Variants in SLC30A8 observed in about 807,000 individuals in gnomAD.
The protein encoded by SLC30A8 is solute carrier family 30 member 8, also known as proton-coupled zinc antiporter SLC30A8.
In SLC30A8, 27 loss-of-function variants were observed where a neutral mutation model predicts 36.9. The ratio of observed to expected loss-of-function variants is 0.73; its 90% confidence interval spans 0.54 to 1.01. The LOEUF (loss-of-function observed/expected upper bound fraction) is 1.01, where lower values mean the gene tolerates loss of function less well. Ranked by LOEUF, SLC30A8 falls within the 50% of genes least tolerant of loss-of-function variation. The pLI is 0.00. For missense variants in SLC30A8, 439 were observed against 452.0 expected, an observed-to-expected ratio of 0.97 and a Z score of 0.26; for synonymous variants, 164 against 172.4, an observed-to-expected ratio of 0.95 and a Z score of 0.38.
chr8:116,968,143 A>C (rs1206213028), intron 1 of SLC30A8, among the ~76,000 whole-genome samples: 1 of 152,146 alleles, frequency 6.6e-6, no homozygotes, highest in African/African-American at 2.4e-5. Flanking sequence ...TACTTGGCAA[A>C]ATTTGATAAT....
chr8:116,979,606 C>T (rs1346715412), intron 1 of SLC30A8, among the ~76,000 whole-genome samples: 1 of 152,160 alleles, frequency 6.6e-6, no homozygotes, highest in African/African-American at 2.4e-5. Flanking sequence ...ACAGTGTCCT[C>T]AGGGGACTGT....
At chr8:117,068,861 GC>G (rs1349040691) in intron 2 of SLC30A8, among the ~76,000 whole-genome samples, 8 of 152,278 alleles carry the variant, frequency 5.3e-5, no homozygotes, top group Middle Eastern at 3.4e-3. Context: ...ACAGGCGCGA[GC>G]CACTACATGT....
chr8:117,083,049 T>A (rs1818727651), intron 2 of SLC30A8, among the ~76,000 whole-genome samples: 1 of 152,144 alleles, frequency 6.6e-6, no homozygotes, highest in African/African-American at 2.4e-5. Flanking sequence ...CGGAGGGACA[T>A]CTCTTCTCCA....
exon 1 of SLC30A8, chr8:116,950,985 CTT>C (rs779195921): frequency 2.0e-5 from 3 of 152,208 alleles, no homozygotes; most frequent in Non-Finnish European, 4.4e-5. Flanking sequence ...GCCTGTCTAA[CTT>C]TGGAAATATC....
intron 1 of SLC30A8, among the ~76,000 whole-genome samples, chr8:116,973,626 T>C (rs1391468673): frequency 1.3e-5 from 2 of 152,218 alleles, no homozygotes; most frequent in South Asian, 2.1e-4. Context: ...AGGTGATTTA[T>C]AGATTCAGTG....
chr8:116,995,711 A>C (rs533658138), intron 1 of SLC30A8, among the ~76,000 whole-genome samples: 1 of 152,136 alleles, frequency 6.6e-6, no homozygotes, highest in East Asian at 1.9e-4. Context: ...GTCTCTAATA[A>C]GTGAAGTATG....
At chr8:117,168,695 T>C (rs1381225814) in intron 6 of SLC30A8, among the ~76,000 whole-genome samples, 1 of 152,188 alleles carries the variant, frequency 6.6e-6, no homozygotes, top group Non-Finnish European at 1.5e-5. Flanking sequence ...AGGGCCTAGA[T>C]GAATGATAGC....
intron 2 of SLC30A8, among the ~76,000 whole-genome samples, chr8:117,089,528 T>G (rs1463862193): frequency 6.6e-6 from 1 of 152,208 alleles, no homozygotes; most frequent in African/African-American, 2.4e-5. Context: ...TTGTACTTTT[T>G]AATATCCCTT....
chr8:116,983,640 C>T (rs578017962), intron 1 of SLC30A8, among the ~76,000 whole-genome samples: 3 of 152,144 alleles, frequency 2.0e-5, no homozygotes, highest in African/African-American at 7.2e-5. Context: ...TTCACTTTTT[C>T]TATGTTATTT....
chr8:117,147,642 G>A (rs1243088817), intron 2 of SLC30A8: 1 of 154,646 alleles, frequency 6.5e-6, no homozygotes, highest in African/African-American at 2.4e-5. Flanking sequence ...TCCCTTCAAA[G>A]AGATTCCTAA....
At chr8:117,085,903 T>C (rs1199726665) in intron 2 of SLC30A8, among the ~76,000 whole-genome samples, 1 of 152,132 alleles carries the variant, frequency 6.6e-6, no homozygotes, top group African/African-American at 2.4e-5. Flanking sequence ...GAGTAAGATA[T>C]TTGTTGGGCA....
chr8:117,149,708 G>A (rs983465931), intron 2 of SLC30A8, among the ~76,000 whole-genome samples: 1 of 152,192 alleles, frequency 6.6e-6, no homozygotes, highest in Non-Finnish European at 1.5e-5. Flanking sequence ...GAAAAAATGA[G>A]CTGGGCTTGC....
rs192963507 is a variant in SLC30A8 at position 117,046,041 on chromosome 8, T to C, written c.-226+6783T>C. On this transcript the variant is annotated intron_variant, in intron 2 of 10. Coordinates refer to the SLC30A8 transcript ENST00000427715. The stretch of plus-strand genomic sequence containing the variant: ...AACATCCTTGTGACAGATGATGGTA[T>C]ATGAGAAAGCCTTAGGAATGAGCAG... 1.6e-4 allele frequency among the ~76,000 whole-genome samples: 25 copies of C among 151,964 alleles called. No homozygotes were observed. In the East Asian group the frequency reaches 4.3e-3, roughly 26 times the overall value.
At chr8:117,116,776 C>T (rs924509348) in intron 2 of SLC30A8, among the ~76,000 whole-genome samples, 15 of 152,016 alleles carry the variant, frequency 9.9e-5, no homozygotes, top group Non-Finnish European at 1.5e-4. Flanking sequence ...GTTTAGTTTA[C>T]ACTCAAGTGT....
At chr8:116,955,037 T>C (rs537604035) in intron 1 of SLC30A8, among the ~76,000 whole-genome samples, 2 of 152,320 alleles carry the variant, frequency 1.3e-5, no homozygotes, top group East Asian at 3.9e-4. Flanking sequence ...ATGGCTTCCG[T>C]TGTCTGTGAA....
At chr8:117,068,731 C>T (rs1166248175) in intron 2 of SLC30A8, among the ~76,000 whole-genome samples, 2 of 152,094 alleles carry the variant, frequency 1.3e-5, no homozygotes, top group African/African-American at 4.8e-5. Flanking sequence ...TGCCCTCCAT[C>T]ATGCTCGGCT....
intron 2 of SLC30A8, among the ~76,000 whole-genome samples, chr8:117,078,452 T>G (rs989545840): frequency 6.6e-6 from 1 of 152,138 alleles, no homozygotes; most frequent in Non-Finnish European, 1.5e-5. Context: ...ATTCTAACTT[T>G]TGGCTACTTT....
intron 2 of SLC30A8, among the ~76,000 whole-genome samples, chr8:117,082,208 CATGT>C (rs1294461370): frequency 2.6e-5 from 4 of 152,072 alleles, no homozygotes; most frequent in African/African-American, 9.7e-5. Flanking sequence ...GGACTAATAC[CATGT>C]ATGCAGTGAT....
At chr8:117,045,701 G>A (rs1188779075) in intron 2 of SLC30A8, among the ~76,000 whole-genome samples, 1 of 152,206 alleles carries the variant, frequency 6.6e-6, no homozygotes, top group Non-Finnish European at 1.5e-5. Flanking sequence ...CATATACTCT[G>A]CTCGCAGCAG....
Sources: gnomAD v4.1 joint callset for allele counts (sites outside exome capture counted in the v4.1 genomes callset) on GRCh38, gnomAD v4.1.1 for gene constraint, MANE v1.5 for transcripts, NCBI Gene and HGNC (gene_info 2026-07-23, HGNC 2026-07-21) for gene names.